The following GLIS1 variants were observed in gnomAD, a reference collection of about 807,000 sequenced individuals.
GLIS1 encodes zinc finger protein GLIS1.
In GLIS1, 24 loss-of-function variants were observed where a neutral mutation model predicts 63.8. That is an observed-to-expected ratio of 0.38 (90% CI 0.27 to 0.53). The LOEUF (loss-of-function observed/expected upper bound fraction) is 0.53, where lower values mean the gene tolerates loss of function less well. Among genes scored for constraint, GLIS1 ranks in the 20% least tolerant of loss-of-function variants. The pLI, the probability that GLIS1 is intolerant of heterozygous loss-of-function variation, is 0.85. For missense variants in GLIS1, 1,036 were observed against 1,074.1 expected, an observed-to-expected ratio of 0.96 and a Z score of 0.50; for synonymous variants, 450 against 482.5, an observed-to-expected ratio of 0.93 and a Z score of 0.88.
At chr1:53,545,073 A>G (rs528213745) in intron 4 of GLIS1, among the ~76,000 whole-genome samples, 6 of 152,334 alleles carry the variant, frequency 3.9e-5, no homozygotes, top group African/African-American at 1.4e-4. Context: ...TGTGGGAAAC[A>G]GAGTGCTCAA....
At position 53,569,795 on chromosome 1, in the gene GLIS1, C is replaced by G. The variant is rs377070657; in HGVS notation, c.1320+24313G>C. 2.0e-5 allele frequency among the ~76,000 whole-genome samples: 3 copies of G among 151,590 alleles called. No individual in the cohort carries two copies. The East Asian group carries it at 5.8e-4, about 29-fold the overall frequency. On this transcript the variant is annotated intron_variant, in intron 4 of 10. Coordinates refer to ENST00000628545, the MANE Select transcript of GLIS1 (RefSeq NM_001367484.1). The stretch of plus-strand genomic sequence containing the variant: ...AAAAAGCGATTTTATTTCTATTCAC[C>G]AGGAACAAATAAAAAAGTAATTAAA...
intron 4 of GLIS1, among the ~76,000 whole-genome samples, chr1:53,567,460 T>C (rs1644945083): frequency 6.6e-6 from 1 of 152,216 alleles, no homozygotes; most frequent in Non-Finnish European, 1.5e-5. Flanking sequence ...GACCATGTGG[T>C]AGAAAAGAAA....
intron 4 of GLIS1, among the ~76,000 whole-genome samples, chr1:53,577,859 A>G (rs2950251): frequency 0.98 from 148,679 of 152,122 alleles, 72,732 homozygotes; most frequent in South Asian, 1. Context: ...GCAGGTAGAC[A>G]TTCTCTCCTC....
intron 2 of GLIS1, among the ~76,000 whole-genome samples, chr1:53,722,756 C>T (rs746751289): frequency 6.6e-6 from 1 of 150,652 alleles, no homozygotes; most frequent in South Asian, 2.1e-4. Flanking sequence ...CACCTGAGCC[C>T]GGGGAGGTGG....
In GLIS1 at chr1:53,594,171, G is replaced by T. The variant is rs142216816; in HGVS notation, c.1257C>A (p.Asn419Lys). Residue 419 changes from asparagine (N) to lysine (K), a missense_variant, in exon 4 of 11, where the codon AAC becomes AAA. Physicochemically the swap from Asn to Lys is moderately conservative, Grantham distance 94. Coordinates refer to ENST00000628545, the MANE Select transcript of GLIS1 (RefSeq NM_001367484.1). ...AGCVRRYKPF[N>K]ARYKLLIHMR... ...TGTGGATGAGCAGCTTGTAGCGGGC[G>T]TTGAAGGGCTTGTAGCGGCGCACGC... The T allele has an allele frequency of 1.2e-6, 2 of 1,613,832 alleles. No homozygotes were observed. Among genetic ancestry groups the T allele is most frequent in the East Asian group, 2.2e-5 (1 of 44,892 alleles).
chr1:53,702,592 C>T (rs913203322), intron 2 of GLIS1, among the ~76,000 whole-genome samples: 1 of 152,194 alleles, frequency 6.6e-6, no homozygotes, highest in African/African-American at 2.4e-5. Flanking sequence ...GCAGGTCACA[C>T]TCATAGCAAC....
Position 53,731,317 on chromosome 1 carries a change from C to T in GLIS1, c.259+6489G>A, listed in dbSNP as rs563058361. Among the ~76,000 whole-genome samples, 35 of 152,302 alleles carry T rather than the reference C, an allele frequency of 2.3e-4. 1 individual carries two copies. Among genetic ancestry groups the T allele is most frequent in the Middle Eastern group, 6.8e-3 (2 of 294 alleles). On this transcript the variant is annotated intron_variant, in intron 2 of 10. Transcript: ENST00000628545. ...GCAGGGGGAGAGGAGCAGTGCCCTA[C>T]GGAGGCAGAGTATCCCCTGTAAGTC...
chr1:53,737,819 G>C lies in GLIS1; in HGVS notation c.246C>G (p.Ala82=). 1 of 1,231,070 alleles carries C rather than the reference G, an allele frequency of 8.1e-7. No homozygotes were observed. The highest frequency in any genetic ancestry group is 1.0e-6 in the Non-Finnish European group (1 of 987,458). 76.3% of individuals were successfully genotyped at this position (1,231,070 alleles called of 1,614,324 possible). The stretch of plus-strand genomic sequence containing the variant: ...GGCCGAACTCACCCTTCCCGGCGGC[G>C]GCGGCCTTGGATGGACCGTAGTCTC... ...SPRDYGPSKA[A]AAGKVNGSYG... is the part of the protein sequence containing the mutation. The change falls in exon 2 of 11, where the codon GCC becomes GCG. Residue 82 remains alanine (A), a synonymous_variant. Coordinates refer to ENST00000628545, the MANE Select transcript of GLIS1 (RefSeq NM_001367484.1).
chr1:53,619,264 G>A (rs1407913792), intron 2 of GLIS1, among the ~76,000 whole-genome samples: 1 of 152,246 alleles, frequency 6.6e-6, no homozygotes, highest in African/African-American at 2.4e-5. Flanking sequence ...GGCAGATACT[G>A]CTGCTGCCCT....
Position 53,594,546 on chromosome 1 carries a change from C to A in GLIS1, c.882G>T (p.Arg294=), listed in dbSNP as rs149681911. The change falls in exon 4 of 11, where the codon CGG becomes CGT. Residue 294 remains arginine (R), a synonymous_variant. Coordinates refer to ENST00000628545, the MANE Select transcript of GLIS1 (RefSeq NM_001367484.1). ...LTGDLGGPSK[R]ARPGPASTDS... ...CCGTCGATGCAGGGCCAGGCCGGGC[C>A]CGCTTGGAAGGGCCCCCCAGATCTC... 428 of 1,604,354 alleles carry A rather than the reference C, an allele frequency of 2.7e-4. 3 individuals carry two copies. In the East Asian group the frequency reaches 9.2e-3, roughly 35 times the overall value.
chr1:53,507,324 G>A (rs1644244999), intron 10 of GLIS1, among the ~76,000 whole-genome samples: 1 of 152,344 alleles, frequency 6.6e-6, no homozygotes, highest in Admixed American at 6.5e-5. Flanking sequence ...GAGAAGGCAG[G>A]CACAGAGGCC....
chr1:53,509,390 C>A, intron 9 of GLIS1, 103 bp from the exon 10 acceptor site: 1 of 1,240,508 alleles, frequency 8.1e-7, no homozygotes, highest in Admixed American at 2.3e-5. Context: ...TTGTCCTGTC[C>A]AGGCATTGTG....
Position 53,506,533 on chromosome 1 carries a change from G to A in GLIS1, c.*86C>T, listed in dbSNP as rs549632213. Reference sequence around the variant, plus strand: ...GTTCCGGCTGTGGCCTGGCACTCCTGCTAGGTGCACGGAGGGTGGGAGCGA... The same window carrying A: ...GTTCCGGCTGTGGCCTGGCACTCCTACTAGGTGCACGGAGGGTGGGAGCGA... On this transcript the variant is annotated 3_prime_UTR_variant, in exon 11 of 11. Coordinates refer to ENST00000628545, the MANE Select transcript of GLIS1 (RefSeq NM_001367484.1). The A allele has an allele frequency of 3.5e-6, 5 of 1,408,620 alleles. No homozygotes were observed. The highest frequency in any genetic ancestry group is 2.5e-5 in the South Asian group (2 of 79,496). The allele number at this position is 1,408,620 out of a possible 1,614,324, so 87.3% of individuals were successfully genotyped here.
In GLIS1 at chr1:53,514,743, C is replaced by A. The variant is rs764196131; in HGVS notation, c.1765G>T (p.Ala589Ser). The A allele has an allele frequency of 6.2e-7, 1 of 1,609,208 alleles. No individual in the cohort carries two copies. Among genetic ancestry groups the A allele is most frequent in the South Asian group, 1.1e-5 (1 of 89,924 alleles). The change falls in exon 8 of 11, where the codon GCA becomes TCA. Residue 589 changes from alanine (A) to serine (S), a missense_variant. Ala to Ser is a moderately conservative substitution (Grantham distance 99, BLOSUM62 1). Around this residue, in one of 3 missense-constraint regions of GLIS1, gnomAD observed 400 missense variants for 400.9 expected, o/e 1.00. Coordinates refer to ENST00000628545, the MANE Select transcript of GLIS1 (RefSeq NM_001367484.1). Reference sequence around the variant, plus strand: ...TGCGCTGGGGGCAGGAGGCCCGATGCAAGTCCGTTATGGGGGGTGATGGAG... The same window carrying A: ...TGCGCTGGGGGCAGGAGGCCCGATGAAAGTCCGTTATGGGGGGTGATGGAG... ...PGSITPHNGL[A>S]SGLLPPAHDV...
At chr1:53,556,998 G>A (rs1644841753) in intron 4 of GLIS1, among the ~76,000 whole-genome samples, 1 of 151,268 alleles carries the variant, frequency 6.6e-6, no homozygotes, top group African/African-American at 2.4e-5. Context: ...GTGTTCGTGT[G>A]TACTACAGGT....
chr1:53,593,560 G>A (rs1465942972), intron 4 of GLIS1, among the ~76,000 whole-genome samples: 1 of 152,208 alleles, frequency 6.6e-6, no homozygotes, highest in African/African-American at 2.4e-5. Flanking sequence ...TAGTAACCCT[G>A]GGCCCCAGCC....
At position 53,551,089 on chromosome 1, in the gene GLIS1, C is replaced by T. The variant is rs577856880; in HGVS notation, c.1321-21137G>A. ...TTTGAACTCCTGACCTCAGGTAATC[C>T]GCCCACCTTGGCCTCCCAAGGTGCT... On this transcript the variant is annotated intron_variant, in intron 4 of 10. Coordinates refer to ENST00000628545, the MANE Select transcript of GLIS1 (RefSeq NM_001367484.1). 3.9e-4 allele frequency among the ~76,000 whole-genome samples: 59 copies of T among 152,176 alleles called. 1 individual carries two copies. Among genetic ancestry groups the T allele is most frequent in the South Asian group, 3.3e-3 (16 of 4,800 alleles).
chr1:53,550,596 C>T (rs150618225), intron 4 of GLIS1, among the ~76,000 whole-genome samples: 35 of 152,232 alleles, frequency 2.3e-4, no homozygotes, highest in African/African-American at 7.5e-4. Context: ...GTCCCACAGT[C>T]GGGGAAAAGC....
intron 2 of GLIS1, among the ~76,000 whole-genome samples, chr1:53,673,245 G>A (rs191639305): frequency 2.4e-4 from 36 of 152,282 alleles, no homozygotes; most frequent in Non-Finnish European, 4.0e-4. Context: ...GTGGAACGCC[G>A]CAGTGATTTA....
Sources: gnomAD v4.1 joint callset for allele counts (sites outside exome capture counted in the v4.1 genomes callset) on GRCh38, gnomAD v4.1.1 for gene constraint, gnomAD v4.1.1 regional missense constraint, MANE v1.5 for transcripts, NCBI Gene and HGNC (gene_info 2026-07-23, HGNC 2026-07-21) for gene names.